Variants in ALG9 observed in about 807,000 individuals in gnomAD.
ALG9 encodes the protein ALG9 alpha-1,2-mannosyltransferase.
ALG9 carries 55 observed loss-of-function variants against 81.8 expected under a neutral mutation model. The ratio of observed to expected loss-of-function variants is 0.67; its 90% CI spans 0.54 to 0.84. The LOEUF (loss-of-function observed/expected upper bound fraction) is 0.84. Among genes scored for constraint, ALG9 ranks in the 40% least tolerant of loss-of-function variants. The pLI, the probability that ALG9 is intolerant of heterozygous loss-of-function variation, is 0.00. For missense variants in ALG9, 629 were observed against 745.0 expected, an observed-to-expected ratio of 0.84 and a Z score of 1.81; for synonymous variants, 278 against 274.3, an observed-to-expected ratio of 1.01 and a Z score of -0.13.
In ALG9 at chr11:111,840,412, T is replaced by A. The variant is rs191930035; in HGVS notation, c.1173+243A>T. On this transcript the variant is annotated intron_variant, in intron 10 of 14. Coordinates refer to ENST00000616540, the MANE Select transcript of ALG9 (RefSeq NM_024740.2). ...GAATGGAATTCTGCAATTGGATTCC[T>A]GTTGGTAACAGAGGCAAAGTAACAC... Among the ~76,000 whole-genome samples the A allele has an allele frequency of 2.4e-4, 36 of 152,340 alleles. 1 individual carries two copies. The highest frequency in any genetic ancestry group is 1.9e-4 in the Non-Finnish European group (13 of 68,030).
intron 14 of ALG9, among the ~76,000 whole-genome samples, chr11:111,794,323 G>A (rs1038948670): frequency 1.3e-5 from 2 of 152,088 alleles, no homozygotes; most frequent in East Asian, 1.9e-4. Context: ...TTGCTCTGTT[G>A]CCCAGGCTGG....
At chr11:111,792,961 A>C (rs1947652053) in intron 14 of ALG9, among the ~76,000 whole-genome samples, 1 of 152,182 alleles carries the variant, frequency 6.6e-6, no homozygotes, top group Non-Finnish European at 1.5e-5. Flanking sequence ...CTCACCTCTA[A>C]GCTGGGATGG....
At chr11:111,778,498 G>A (rs979937287), downstream of ALG9, 1 of 152,268 alleles carries the variant, frequency 6.6e-6, no homozygotes, top group Non-Finnish European at 1.5e-5. Flanking sequence ...GAGAGGGCAG[G>A]TAAGGTTTGA....
intron 4 of ALG9, among the ~76,000 whole-genome samples, chr11:111,862,332 C>T (rs1960546763): frequency 6.7e-6 from 1 of 149,104 alleles, no homozygotes; most frequent in African/African-American, 2.5e-5. Flanking sequence ...CTCTTGAGTT[C>T]AAGTGATTCT....
Position 111,853,423 on chromosome 11 carries a change from A to G in ALG9, c.852T>C (p.Ile284=), listed in dbSNP as rs781955575. The G allele has an allele frequency of 1.9e-5, 31 of 1,614,004 alleles. No homozygotes were observed. The highest frequency in any genetic ancestry group is 2.5e-5 in the Non-Finnish European group (29 of 1,179,984). The change falls in exon 8 of 15, where the codon ATT becomes ATC. Residue 284 remains isoleucine, a synonymous_variant. Coordinates refer to ENST00000616540, the MANE Select transcript of ALG9 (RefSeq NM_024740.2). ...GAGGAGTAAAGACATTATACAAAAC[A>G]ATGTTGAGTGGTGCAATCACCAACT... ...YGKLVIAPLN[I]VLYNVFTPHG...
intron 14 of ALG9, among the ~76,000 whole-genome samples, chr11:111,789,731 A>T (rs1555068724): frequency 6.6e-6 from 1 of 151,522 alleles, no homozygotes; most frequent in African/African-American, 2.4e-5. Flanking sequence ...GAGGTAGGAG[A>T]ATTGCTTGAA....
the ALG9 span, chr11:111,768,647 T>A: frequency 6.7e-6 from 1 of 149,132 alleles, no homozygotes; most frequent in Admixed American, 6.6e-5. Flanking sequence ...TTTAAAAAAT[T>A]ATTGTGTTGT....
chr11:111,834,811 A>T (rs536559211), intron 13 of ALG9, among the ~76,000 whole-genome samples: 11 of 152,328 alleles, frequency 7.2e-5, no homozygotes, highest in African/African-American at 2.6e-4. Flanking sequence ...TCTGCAGATA[A>T]AATTAAAATG....
intron 14 of ALG9, among the ~76,000 whole-genome samples, chr11:111,808,495 G>A (rs1303596855): frequency 6.6e-6 from 1 of 152,210 alleles, no homozygotes; most frequent in Non-Finnish European, 1.5e-5. Flanking sequence ...TACTCGTGAA[G>A]AACCAGCCTT....
At chr11:111,798,969 A>C (rs1948700921) in intron 14 of ALG9, among the ~76,000 whole-genome samples, 1 of 152,226 alleles carries the variant, frequency 6.6e-6, no homozygotes. Flanking sequence ...TTATTTAGTA[A>C]GTACTTCTCC....
At chr11:111,828,416 C>G (rs1251974935) in intron 13 of ALG9, among the ~76,000 whole-genome samples, 4 of 152,186 alleles carry the variant, frequency 2.6e-5, no homozygotes, top group Non-Finnish European at 5.9e-5. Context: ...AGTTTAATAA[C>G]GTACTTGCCT....
chr11:111,786,179 G>T lies in ALG9; in HGVS notation c.*218C>A. 1.5e-6 allele frequency: 1 copy of T among 674,380 alleles called. No individual in the cohort carries two copies. The highest frequency in any genetic ancestry group is 2.7e-6 in the Non-Finnish European group (1 of 376,540). The allele number at this position is 674,380 out of a possible 1,614,324, so 41.8% of individuals were successfully genotyped here. On this transcript the variant is annotated 3_prime_UTR_variant, in exon 15 of 15. Transcript: ENST00000616540. ...CTTTAGGGCCTTTCTCTGCCTAGCT[G>T]CAAAAAGTTTACATGCAGAACAGAG...
intron 14 of ALG9, among the ~76,000 whole-genome samples, chr11:111,789,861 T>C (rs537989529): frequency 1.3e-5 from 2 of 150,980 alleles, no homozygotes; most frequent in Non-Finnish European, 3.0e-5. Flanking sequence ...AGAGGGTCAA[T>C]TGGACTGAGA....
chr11:111,816,285 A>G (rs1555097070), intron 13 of ALG9, among the ~76,000 whole-genome samples: 1 of 152,246 alleles, frequency 6.6e-6, no homozygotes. Flanking sequence ...CCTAGAGTAT[A>G]TAAAATTACA....
intron 13 of ALG9, among the ~76,000 whole-genome samples, chr11:111,828,215 T>C (rs1285689044): frequency 6.6e-6 from 1 of 152,114 alleles, no homozygotes; most frequent in East Asian, 1.9e-4. Context: ...ATGAACATGG[T>C]TGTGCTGATA....
chr11:111,775,278 C>T, the ALG9 span, among the ~76,000 whole-genome samples: 1 of 152,124 alleles, frequency 6.6e-6, no homozygotes, highest in Non-Finnish European at 1.5e-5. Context: ...TCCCCACTTC[C>T]TTTTCTGATC....
chr11:111,822,193 G>A (rs1555104472), intron 13 of ALG9, among the ~76,000 whole-genome samples: 1 of 151,016 alleles, frequency 6.6e-6, no homozygotes, highest in African/African-American at 2.4e-5. Flanking sequence ...GATTGCTTGA[G>A]CCCATGAGTT....
chr11:111,812,445 T>C (rs1382776498), intron 13 of ALG9, among the ~76,000 whole-genome samples: 2 of 152,168 alleles, frequency 1.3e-5, no homozygotes, highest in Non-Finnish European at 2.9e-5. Flanking sequence ...TATGTACCAA[T>C]AGTCCTAGCT....
chr11:111,811,639 C>T (rs1283664117), intron 13 of ALG9, among the ~76,000 whole-genome samples: 1 of 151,868 alleles, frequency 6.6e-6, no homozygotes, highest in South Asian at 2.1e-4. Context: ...TGTGGTATAT[C>T]CATACAATAG....
Sources: allele counts gnomAD v4.1 joint callset (sites outside exome capture counted in the v4.1 genomes callset), GRCh38; gene constraint gnomAD v4.1.1; transcripts MANE v1.5; gene names NCBI Gene and HGNC (gene_info 2026-07-23, HGNC 2026-07-21).